HPS1: variants seen among roughly 807,000 people sequenced by gnomAD.
HPS1 encodes the protein HPS1 biogenesis of lysosomal organelles complex 3 subunit 1, also known as BLOC-3 complex member HPS1.
A neutral mutation model predicts 90.6 loss-of-function variants in HPS1; 59 were observed. The ratio of observed to expected loss-of-function variants is 0.65; its 90% CI spans 0.53 to 0.81. The LOEUF (loss-of-function observed/expected upper bound fraction) is 0.81, where lower values mean the gene tolerates loss of function less well. Ranked by LOEUF, HPS1 falls within the 30% of genes least tolerant of loss-of-function variation. The pLI is 0.00. For missense variants in HPS1, 849 were observed against 896.7 expected (o/e 0.95, Z 0.68); for synonymous variants, 388 against 384.4 (o/e 1.01, Z -0.11).
intron 18 of HPS1, among the ~76,000 whole-genome samples, chr10:98,419,319 C>G (rs543823322): frequency 1.3e-5 from 2 of 152,288 alleles, no homozygotes; most frequent in East Asian, 3.9e-4. Context: ...CTCCTGAGAG[C>G]TGGAACAACC....
chr10:98,443,104 A>C lies in HPS1; in HGVS notation c.117+20T>G, dbSNP rs1262464043. The C allele has an allele frequency of 6.5e-7, 1 of 1,535,502 alleles. No homozygotes were observed. Among genetic ancestry groups the C allele is most frequent in the South Asian group, 1.1e-5 (1 of 89,532 alleles). On this transcript the variant is annotated intron_variant, in intron 3 of 19. Coordinates refer to ENST00000361490, the MANE Select transcript of HPS1 (RefSeq NM_000195.5). ...TTCCTTCCTATCCACCCCTCCTGGG[A>C]CTGCCTACCCTGCACTCACCTCTTC...
intron 16 of HPS1, among the ~76,000 whole-genome samples, chr10:98,423,280 C>A (rs572888780): frequency 3.0e-5 from 2 of 67,728 alleles, no homozygotes; most frequent in East Asian, 1.1e-3. Flanking sequence ...ACCACAGGAA[C>A]CCCCCCCCCG....
Position 98,435,359 on chromosome 10 carries a change from T to C in HPS1, c.311A>G (p.Asp104Gly), listed in dbSNP as rs1402316024. ...GAGCACATACAGCTTCCGCCGCAGG[T>C]CCCCCTCGCTCTCGGTGTGGTCACC... is the stretch of plus-strand genomic sequence containing the variant. ...INGDHTESEG[D>G]LRRKLYVLKY... Residue 104 changes from aspartate (D) to glycine (G), a missense_variant, in exon 5 of 20, where the codon GAC (aspartate) becomes GGC (glycine). By Grantham distance (94) the Asp-to-Gly change is moderately conservative. Coordinates refer to ENST00000361490, the MANE Select transcript of HPS1 (RefSeq NM_000195.5). The surrounding 1 kb of genome is among the most constrained non-coding windows in gnomAD (Gnocchi z 4.3). 8.1e-6 allele frequency: 13 copies of C among 1,612,220 alleles called. No individual in the cohort carries two copies.
chr10:98,435,598 G>A lies in HPS1; in HGVS notation c.255+37C>T, dbSNP rs749585758. ...GCCTGTGGACTCCCCATCAAGCTGA[G>A]GGAAGAGGAACATGGGCCCCAGAGC... is the stretch of plus-strand genomic sequence containing the variant. On this transcript the variant is annotated intron_variant, in intron 4 of 19. Transcript: ENST00000361490. This position sits in a 1 kb window ranked among gnomAD's most constrained non-coding sequence, Gnocchi z 4.3. The A allele has an allele frequency of 3.7e-6, 6 of 1,613,802 alleles. No homozygotes were observed. The highest frequency in any genetic ancestry group is 5.1e-6 in the Non-Finnish European group (6 of 1,179,778).
At chr10:98,438,603 A>C (rs1937813608) in intron 3 of HPS1, among the ~76,000 whole-genome samples, 1 of 152,240 alleles carries the variant, frequency 6.6e-6, no homozygotes. Flanking sequence ...AAAAGCACTC[A>C]GTTTTATGCA....
rs2296435 is a variant in HPS1, at chr10:98,422,528, T to C, written c.1599-15A>G. 397,783 of 1,612,042 alleles carry C rather than the reference T, an allele frequency of 0.25. 52,105 individuals carry two copies. Among genetic ancestry groups the C allele is most frequent in the South Asian group, 0.4 (36,831 of 91,020 alleles). On this transcript the variant is annotated splice_polypyrimidine_tract_variant and intron_variant, in intron 16 of 19. Transcript: ENST00000361490. ...CTTCTAGGTAGGTGAAGGTCTGAGT[T>C]AAGGTGCTTACAAGCCAGGAGCTAG...
In HPS1 at chr10:98,425,843, C is replaced by G; in HGVS notation, c.1130G>C (p.Gly377Ala). 1.2e-6 allele frequency: 2 copies of G among 1,613,920 alleles called. No individual in the cohort carries two copies. Among genetic ancestry groups the G allele is most frequent in the Non-Finnish European group, 8.5e-7 (1 of 1,179,924 alleles). Residue 377 changes from glycine to alanine, a missense_variant, in exon 12 of 20, where the codon GGC (glycine) becomes GCC (alanine). Transcript: ENST00000361490. ...HTMYCLPLWQ[G>A]INLVLLTRSP... ...CCTGGTCAGGAGCACCAGGTTGATG[C>G]CCTGCCACAGGGGCAGGCAGTACAT...
Position 98,435,343 on chromosome 10 carries a change from C to A in HPS1, c.327G>T (p.Leu109=), listed in dbSNP as rs1240412881. The A allele has an allele frequency of 1.3e-5, 21 of 1,613,862 alleles. 1 individual carries two copies. The highest frequency in any genetic ancestry group is 1.5e-5 in the Non-Finnish European group (18 of 1,180,014). The stretch of plus-strand genomic sequence containing the variant: ...CTTCAAACAGGTACTTGAGCACATA[C>A]AGCTTCCGCCGCAGGTCCCCCTCGC... The part of the protein sequence containing the change: ...TESEGDLRRK[L]YVLKYLFEVH... The change falls in exon 5 of 20, where the codon CTG becomes CTT. Residue 109 remains leucine (L), a synonymous_variant. Transcript: ENST00000361490. The surrounding 1 kb of genome is among the most constrained non-coding windows in gnomAD (Gnocchi z 4.3).
chr10:98,425,649 C>T lies in HPS1; in HGVS notation c.1227G>A (p.Leu409=), dbSNP rs767099232. 1 of 1,613,770 alleles carries T rather than the reference C, an allele frequency of 6.2e-7. No homozygotes were observed. Among genetic ancestry groups the T allele is most frequent in the South Asian group, 1.1e-5 (1 of 91,080 alleles). ...MDGFSMLEKK[L]KEGPEPGASL... ...AGGCCCCGGGCTCCGGCCCTTCCTT[C>T]AGCTTCTTCTCCAGCATGGAGAAGC... The change falls in exon 13 of 20, where the codon CTG becomes CTA. Residue 409 remains leucine, a synonymous_variant. Coordinates refer to ENST00000361490, the MANE Select transcript of HPS1 (RefSeq NM_000195.5).
At chr10:98,441,718 A>G (rs1354154513) in intron 3 of HPS1, among the ~76,000 whole-genome samples, 1 of 152,258 alleles carries the variant, frequency 6.6e-6, no homozygotes, top group Non-Finnish European at 1.5e-5. Flanking sequence ...AGATATGGCA[A>G]ATAAGCACAT....
intron 18 of HPS1, 29 bp from the exon 19 acceptor site, chr10:98,418,286 G>A: frequency 1.4e-6 from 2 of 1,416,794 alleles, no homozygotes; most frequent in Non-Finnish European, 9.9e-7. Context: ...GAGGCAGTGG[G>A]TGTGGGGGTA....
At chr10:98,427,154 C>G in intron 11 of HPS1, 61 bp downstream of exon 11, 2 of 1,394,644 alleles carry the variant, frequency 1.4e-6, no homozygotes, top group Non-Finnish European at 2.0e-6. Context: ...CTCAGAGCCC[C>G]CAATACTCAC....
intron 11 of HPS1, 48 bp from the exon 12 acceptor site, chr10:98,426,033 AC>A: frequency 6.5e-7 from 1 of 1,545,058 alleles, no homozygotes; most frequent in Non-Finnish European, 8.9e-7. Context: ...CCTAAGTTGG[AC>A]CCACCCATTG....
At position 98,435,312 on chromosome 10, in the gene HPS1, A is replaced by C; in HGVS notation, c.358T>G (p.Phe120Val). The change falls in exon 5 of 20, where the codon TTT becomes GTT. Residue 120 changes from phenylalanine (F) to valine (V), a missense_variant. Physicochemically the swap from Phe to Val is conservative, Grantham distance 50. Transcript: ENST00000361490. This position sits in a 1 kb window ranked among gnomAD's most constrained non-coding sequence, Gnocchi z 4.3. ...YVLKYLFEVH[F>V]GLVTVDGHLI... ...TGACCGTCCACAGTCACCAGCCCAA[A>C]GTGCACTTCAAACAGGTACTTGAGC... is the stretch of plus-strand genomic sequence containing the variant. 6.2e-7 allele frequency: 1 copy of C among 1,613,924 alleles called. No homozygotes were observed. The highest frequency in any genetic ancestry group is 8.5e-7 in the Non-Finnish European group (1 of 1,180,012).
rs2296432 is a variant in HPS1, at chr10:98,424,306, C to G, written c.1397+7G>C. On this transcript the variant is annotated splice_region_variant and intron_variant, in intron 14 of 19. Transcript: ENST00000361490. ...ACCCACCCCTTGTCCTGAGGCCCAC[C>G]ACTCACTCCCAGGAGGATCCGGGCT... 0.24 allele frequency: 392,838 copies of G among 1,605,454 alleles called. 51,118 individuals are homozygous for G. The highest frequency in any genetic ancestry group is 0.4 in the South Asian group (36,393 of 90,088).
At position 98,425,681 on chromosome 10, in the gene HPS1, T is replaced by G; in HGVS notation, c.1195A>C (p.Met399Leu). Residue 399 changes from methionine to leucine, a missense_variant, in exon 13 of 20, where the codon ATG becomes CTG. By Grantham distance (15) the Met-to-Leu change is conservative. Transcript: ENST00000361490. ...APLALVLSQL[M>L]DGFSMLEKKL... ...TTCTCCAGCATGGAGAAGCCATCCA[T>G]CAGCTGGGACAGAACCAGGGCCAGG... 1 of 1,613,342 alleles carries G rather than the reference T, an allele frequency of 6.2e-7. No homozygotes were observed. Among genetic ancestry groups the G allele is most frequent in the Non-Finnish European group, 8.5e-7 (1 of 1,179,750 alleles).
chr10:98,426,008 G>A (rs1270218085), intron 11 of HPS1, 23 bp from the exon 12 acceptor site: 1 of 1,611,848 alleles, frequency 6.2e-7, no homozygotes, highest in Non-Finnish European at 8.5e-7. Flanking sequence ...AAGAGCTGCA[G>A]TGAGAGGTGG....
Position 98,417,855 on chromosome 10 carries a change from G to T in HPS1, c.1941-129C>A. ...CATCTCACTAGGCCCCTGCATGTGGGCCTTGACAACCGCTCCGGTTCCTCA... is the reference window on the plus strand; with the variant it reads ...CATCTCACTAGGCCCCTGCATGTGGTCCTTGACAACCGCTCCGGTTCCTCA... On this transcript the variant is annotated intron_variant, in intron 19 of 19. Coordinates refer to ENST00000361490, the MANE Select transcript of HPS1 (RefSeq NM_000195.5). The surrounding 1 kb of genome is among the most constrained non-coding windows in gnomAD (Gnocchi z 4.2). 1.2e-6 allele frequency: 1 copy of T among 867,214 alleles called. No homozygotes were observed. 53.7% of individuals were successfully genotyped at this position (867,214 alleles called of 1,614,324 possible). A position where few individuals can be genotyped will look rare whatever the true frequency, so the allele number is the denominator to read the frequency against.
At chr10:98,414,695 C>T, downstream of HPS1, 1 of 255,286 alleles carries the variant, frequency 3.9e-6, no homozygotes, top group Non-Finnish European at 7.4e-6. Flanking sequence ...GAAACTAGGT[C>T]ACTTTGCAAG....
Sources: allele counts gnomAD v4.1 joint callset (sites outside exome capture counted in the v4.1 genomes callset), GRCh38; gene constraint gnomAD v4.1.1; non-coding constraint Gnocchi (gnomAD v3.1); transcripts MANE v1.5; gene names NCBI Gene and HGNC (gene_info 2026-07-23, HGNC 2026-07-21).